The following ESRRG variants were observed in gnomAD, a reference collection of about 807,000 sequenced individuals.
ESRRG encodes estrogen related receptor gamma, also known as estrogen-related receptor gamma.
In ESRRG, 13 loss-of-function variants were observed where a neutral mutation model predicts 44.0. The observed-to-expected ratio is 0.30, with a 90% CI of 0.19 to 0.47. The LOEUF is 0.47. ESRRG is among the 20% of genes least tolerant of loss of function. The pLI is 1.00. For synonymous variants in ESRRG, 215 were observed against 214.6 expected (o/e 1.00, Z -0.02); for missense variants, 395 against 580.6 (o/e 0.68, Z 3.29).
In ESRRG at chr1:217,073,229, A is replaced by T. The variant is rs201622315; in HGVS notation, c.-106+16278T>A. Among the ~76,000 whole-genome samples, 8 of 140,530 alleles carry T rather than the reference A, an allele frequency of 5.7e-5. No homozygotes were observed. The East Asian group carries it at 1.6e-3, about 29-fold the overall frequency. The allele number at this position is 140,530 out of a possible 152,430, so 92.2% of individuals were successfully genotyped here. ...AAAAAAAAAAAAAAAAAAAAAAAAA[A>T]TCCTCATGAAGAATGTATTGCTTTC... is the stretch of plus-strand genomic sequence containing the variant. On this transcript the variant is annotated intron_variant, in intron 1 of 7. Coordinates refer to the ESRRG transcript ENST00000359162.
At chr1:216,873,991 AGGAG>A (rs1196238388) in intron 2 of ESRRG, among the ~76,000 whole-genome samples, 1 of 26,326 alleles carries the variant, frequency 3.8e-5, no homozygotes, top group Non-Finnish European at 7.2e-5. Flanking sequence ...GGGAGGGGGA[AGGAG>A]GGAGGGAGGG....
chr1:216,774,466 T>TTA (rs1198194509), intron 2 of ESRRG, among the ~76,000 whole-genome samples: 27 of 152,252 alleles, frequency 1.8e-4, no homozygotes, highest in African/African-American at 6.3e-4. Context: ...ACATCAGTCA[T>TTA]GCTGTGCTAT....
At chr1:217,080,834 T>C (rs1342630108) in intron 1 of ESRRG, among the ~76,000 whole-genome samples, 1 of 151,926 alleles carries the variant, frequency 6.6e-6, no homozygotes, top group East Asian at 2.0e-4. Context: ...CCCGCCATCA[T>C]GACCAGTTAA....
intron 2 of ESRRG, among the ~76,000 whole-genome samples, chr1:216,807,705 C>G (rs897579758): frequency 1.5e-5 from 2 of 130,184 alleles, no homozygotes; most frequent in Non-Finnish European, 3.5e-5. Flanking sequence ...GATTCTCTAC[C>G]CTTTGCCAAT....
chr1:216,768,109 A>G (rs955490482), intron 2 of ESRRG, among the ~76,000 whole-genome samples: 1 of 152,126 alleles, frequency 6.6e-6, no homozygotes, highest in Admixed American at 6.6e-5. Context: ...TCACACTTTC[A>G]GTTGAGGAAA....
intron 2 of ESRRG, among the ~76,000 whole-genome samples, chr1:216,921,987 G>A (rs1246665871): frequency 6.6e-6 from 1 of 152,158 alleles, no homozygotes; most frequent in East Asian, 1.9e-4. Flanking sequence ...TGTAATCTTT[G>A]AAACTGTGAG....
chr1:216,795,639 C>A (rs1052582589), intron 2 of ESRRG, among the ~76,000 whole-genome samples: 2 of 151,828 alleles, frequency 1.3e-5, no homozygotes, highest in East Asian at 3.9e-4. Flanking sequence ...CTGCACCTGG[C>A]CTCTAAATTT....
At chr1:216,646,523 G>A (rs2067623705) in intron 3 of ESRRG, among the ~76,000 whole-genome samples, 1 of 152,116 alleles carries the variant, frequency 6.6e-6, no homozygotes, top group Non-Finnish European at 1.5e-5. Context: ...AGTCTCAGAG[G>A]TGGTAGAACC....
chr1:216,521,895 G>A (rs1207966833), intron 5 of ESRRG, among the ~76,000 whole-genome samples: 2 of 152,006 alleles, frequency 1.3e-5, no homozygotes, highest in African/African-American at 2.4e-5. Context: ...GGATCAATAC[G>A]GAGAAGAAAA....
At chr1:216,515,097 T>A (rs1273208130) in intron 6 of ESRRG, among the ~76,000 whole-genome samples, 1 of 152,038 alleles carries the variant, frequency 6.6e-6, no homozygotes, top group Non-Finnish European at 1.5e-5. Flanking sequence ...TATTAGACAT[T>A]ATTTAATTCA....
chr1:216,740,843 T>G (rs1185697593), intron 2 of ESRRG, among the ~76,000 whole-genome samples: 1 of 152,054 alleles, frequency 6.6e-6, no homozygotes, highest in Non-Finnish European at 1.5e-5. Flanking sequence ...TGTATTAAGC[T>G]TGACATTTAT....
intron 1 of ESRRG, among the ~76,000 whole-genome samples, chr1:216,997,003 G>A (rs1361712609): frequency 3.3e-5 from 5 of 152,006 alleles, no homozygotes; most frequent in East Asian, 1.9e-4. Context: ...CACAGGAAAC[G>A]GGCATTTTTC....
At chr1:216,589,389 C>A (rs1436135789) in intron 3 of ESRRG, among the ~76,000 whole-genome samples, 2 of 152,080 alleles carry the variant, frequency 1.3e-5, no homozygotes, top group East Asian at 3.9e-4. Context: ...TTTTTTAGCT[C>A]ATTAGCTATC....
chr1:216,979,868 A>G (rs1410221581), intron 1 of ESRRG, among the ~76,000 whole-genome samples: 1 of 152,136 alleles, frequency 6.6e-6, no homozygotes, highest in Non-Finnish European at 1.5e-5. Flanking sequence ...GTGATTTAAT[A>G]AAAATGCACA....
intron 2 of ESRRG, chr1:216,854,992 T>C (rs1175655549): frequency 6.6e-6 from 1 of 152,194 alleles, no homozygotes; most frequent in Non-Finnish European, 1.5e-5. Context: ...CCTCTAGAAG[T>C]GCTGGGTCCT....
chr1:216,558,610 T>C (rs1044231190), intron 5 of ESRRG, among the ~76,000 whole-genome samples: 1 of 152,160 alleles, frequency 6.6e-6, no homozygotes, highest in Non-Finnish European at 1.5e-5. Flanking sequence ...GCTTTATAAT[T>C]TGAAAATTAT....
At chr1:216,652,423 G>T (rs1018225440) in intron 2 of ESRRG, among the ~76,000 whole-genome samples, 12 of 152,066 alleles carry the variant, frequency 7.9e-5, no homozygotes, top group Non-Finnish European at 1.8e-4. Context: ...CTCAGCAACT[G>T]CTAATTCAAC....
intron 1 of ESRRG, among the ~76,000 whole-genome samples, chr1:217,060,469 C>T (rs1024633288): frequency 5.3e-5 from 8 of 152,030 alleles, no homozygotes; most frequent in Admixed American, 2.0e-4. Flanking sequence ...ATGTCTCCAC[C>T]ATTTACTTGA....
At chr1:216,582,069 T>A (rs1002652855) in intron 3 of ESRRG, among the ~76,000 whole-genome samples, 1 of 152,092 alleles carries the variant, frequency 6.6e-6, no homozygotes, top group Non-Finnish European at 1.5e-5. Flanking sequence ...CTGCATAGAT[T>A]AAATTACCTA....
Sources: allele counts gnomAD v4.1 joint callset (sites outside exome capture counted in the v4.1 genomes callset), GRCh38; gene constraint gnomAD v4.1.1; transcripts MANE v1.5; gene names NCBI Gene and HGNC (gene_info 2026-07-23, HGNC 2026-07-21).